The following ACAP2 variants were observed in gnomAD, a reference collection of about 807,000 sequenced individuals.
The protein encoded by ACAP2 is arf-GAP with coiled-coil, ANK repeat and PH domain-containing protein 2.
In ACAP2, 39 loss-of-function variants were observed where a neutral mutation model predicts 115.8. The observed-to-expected ratio is 0.34, with a 90% CI of 0.26 to 0.44. The LOEUF (loss-of-function observed/expected upper bound fraction) is 0.44. Among genes scored for constraint, ACAP2 ranks in the 20% least tolerant of loss-of-function variants. The probability of loss-of-function intolerance (pLI) is 1.00; values close to 1 mark genes in which losing one functional copy is unlikely to be tolerated. For missense variants in ACAP2, 662 were observed against 927.6 expected (o/e 0.71, Z 3.72); for synonymous variants, 289 against 315.8 (o/e 0.92, Z 0.90).
In ACAP2 at chr3:195,367,480, G is replaced by A. The variant is rs144682640; in HGVS notation, c.285+13529C>T. ...TCCTAACACTGAGTCCTGGCACACA[G>A]ATCAGGTATTGAAAGGCAACCTATA... On this transcript the variant is annotated intron_variant, in intron 4 of 22. Coordinates refer to ENST00000326793, the MANE Select transcript of ACAP2 (RefSeq NM_012287.6). Among the ~76,000 whole-genome samples, 16 of 152,300 alleles carry A rather than the reference G, an allele frequency of 1.1e-4. No homozygotes were observed. The East Asian group carries it at 2.3e-3, about 22-fold the overall frequency.
At chr3:195,376,134 C>T (rs1412857719) in intron 4 of ACAP2, among the ~76,000 whole-genome samples, 1 of 152,158 alleles carries the variant, frequency 6.6e-6, no homozygotes, top group Non-Finnish European at 1.5e-5. Flanking sequence ...TGGCTCACAC[C>T]TGTAATCCTA....
chr3:195,285,911 A>C, intron 21 of ACAP2, 54 bp from the exon 22 acceptor site: 1 of 1,325,156 alleles, frequency 7.5e-7, no homozygotes, highest in Non-Finnish European at 1.0e-6. Context: ...TAAATGTCAT[A>C]AATAAAGTCT....
Position 195,289,089 on chromosome 3 carries a change from T to C in ACAP2, c.2174+32A>G, listed in dbSNP as rs556064542. On this transcript the variant is annotated intron_variant, in intron 21 of 22. Coordinates refer to ENST00000326793, the MANE Select transcript of ACAP2 (RefSeq NM_012287.6). ...CGAGGGACAACTGTAATTCACTGTA[T>C]GGAAATAGTCAAGTAAAAAGGAAGT... 12 of 1,550,554 alleles carry C rather than the reference T, an allele frequency of 7.7e-6. 1 individual carries two copies. The South Asian group carries it at 1.3e-4, about 16-fold the overall frequency.
chr3:195,320,566 T>C (rs567575082), intron 10 of ACAP2, 135 bp downstream of exon 10: 3 of 547,032 alleles, frequency 5.5e-6, no homozygotes, highest in East Asian at 2.9e-5. Context: ...CTATCTTCAA[T>C]AGACTGGGTT....
At chr3:195,386,099 A>G (rs192398592) in intron 2 of ACAP2, among the ~76,000 whole-genome samples, 6 of 152,334 alleles carry the variant, frequency 3.9e-5, no homozygotes, top group Admixed American at 6.5e-5. Flanking sequence ...AACATGGATG[A>G]CTCTTAAAAA....
chr3:195,440,860 T>C (rs6782855), intron 1 of ACAP2, among the ~76,000 whole-genome samples: 1,960 of 152,334 alleles, frequency 0.013, 32 homozygotes, highest in African/African-American at 0.043. Flanking sequence ...GTTGAAGTTA[T>C]TGAAATTTTG....
intron 1 of ACAP2, among the ~76,000 whole-genome samples, chr3:195,404,803 T>G (rs1255693438): frequency 7.2e-6 from 1 of 139,164 alleles, no homozygotes; most frequent in African/African-American, 2.8e-5. Context: ...TAATTTTTTC[T>G]TTTTTTTTTT....
At chr3:195,348,187 G>A (rs1731308696) in intron 4 of ACAP2, among the ~76,000 whole-genome samples, 1 of 152,014 alleles carries the variant, frequency 6.6e-6, no homozygotes, top group African/African-American at 2.4e-5. Context: ...ATGTGATAAA[G>A]CAAATGCAGC....
intron 10 of ACAP2, 84 bp downstream of exon 10, chr3:195,320,617 T>C (rs1441884575): frequency 6.3e-6 from 6 of 952,902 alleles, no homozygotes; most frequent in Non-Finnish European, 9.7e-6. Context: ...TAAAGAACTA[T>C]AAAGGAGAGA....
At chr3:195,291,118 C>T (rs535058239) in intron 20 of ACAP2, among the ~76,000 whole-genome samples, 59 of 152,190 alleles carry the variant, frequency 3.9e-4, no homozygotes, top group African/African-American at 1.3e-3. Context: ...AAGAAACAAG[C>T]GTTTAAGACA....
chr3:195,335,115 G>T (rs1730417492), intron 7 of ACAP2, among the ~76,000 whole-genome samples: 2 of 152,228 alleles, frequency 1.3e-5, no homozygotes, highest in African/African-American at 2.4e-5. Context: ...AAAATTATAT[G>T]AAATTCAAAT....
intron 22 of ACAP2, chr3:195,280,602 CT>C (rs1726434003): frequency 6.6e-6 from 1 of 152,162 alleles, no homozygotes; most frequent in Non-Finnish European, 1.5e-5. Flanking sequence ...CCAAGGACAT[CT>C]GTTAAATTAG....
At chr3:195,301,254 T>C (rs1372777915) in intron 15 of ACAP2, among the ~76,000 whole-genome samples, 1 of 151,802 alleles carries the variant, frequency 6.6e-6, no homozygotes, top group Non-Finnish European at 1.5e-5. Context: ...CCTGGCTAAT[T>C]TTTTGTATTT....
chr3:195,346,062 T>G lies in ACAP2; in HGVS notation c.286-745A>C, dbSNP rs150589551. On this transcript the variant is annotated intron_variant, in intron 4 of 22. Coordinates refer to ENST00000326793, the MANE Select transcript of ACAP2 (RefSeq NM_012287.6). The stretch of plus-strand genomic sequence containing the variant: ...GAAAATCCTCCATTCTTTTACTAAT[T>G]GAAAACAATACCACAATTTCATTAT... 8.9e-3 allele frequency among the ~76,000 whole-genome samples: 1,352 copies of G among 152,296 alleles called. 16 individuals carry two copies. Among genetic ancestry groups the G allele is most frequent in the Non-Finnish European group, 0.012 (817 of 67,996 alleles).
At chr3:195,327,058 C>A in intron 8 of ACAP2, 99 bp from the exon 9 acceptor site, 1 of 1,130,798 alleles carries the variant, frequency 8.8e-7, no homozygotes, top group Non-Finnish European at 1.3e-6. Flanking sequence ...TAAAAAATCA[C>A]TCAATTTAAG....
At chr3:195,294,845 T>G in intron 17 of ACAP2, 34 bp from the exon 18 acceptor site, 1 of 1,358,128 alleles carries the variant, frequency 7.4e-7, no homozygotes, top group Non-Finnish European at 1.0e-6. Context: ...ATGATTAAAG[T>G]TCATGCCATT....
intron 1 of ACAP2, among the ~76,000 whole-genome samples, chr3:195,397,613 AAAAAG>A (rs1339143271): frequency 6.6e-6 from 1 of 152,202 alleles, no homozygotes; most frequent in Admixed American, 6.5e-5. Flanking sequence ...TTCAAAAAAA[AAAAAG>A]AAAACTTCTT....
chr3:195,296,026 A>G (rs1727636761), intron 16 of ACAP2, 134 bp from the exon 17 acceptor site: 7 of 648,920 alleles, frequency 1.1e-5, no homozygotes, highest in South Asian at 6.3e-5. Flanking sequence ...AATCTGTGAC[A>G]TTATACATAT....
At chr3:195,434,346 T>C (rs1715369598) in intron 1 of ACAP2, among the ~76,000 whole-genome samples, 1 of 152,208 alleles carries the variant, frequency 6.6e-6, no homozygotes, top group South Asian at 2.1e-4. Context: ...AATCCTCCCA[T>C]CTCAGCCTCT....
Sources: gnomAD v4.1 joint callset for allele counts (sites outside exome capture counted in the v4.1 genomes callset) on GRCh38, gnomAD v4.1.1 for gene constraint, MANE v1.5 for transcripts, NCBI Gene and HGNC (gene_info 2026-07-23, HGNC 2026-07-21) for gene names.